The following GEMIN8 variants were observed in gnomAD, a reference collection of about 807,000 sequenced individuals.
GEMIN8 encodes the protein gem-associated protein 8.
For missense variants in GEMIN8, 185 were observed against 205.9 expected (o/e 0.90, Z 0.62); for synonymous variants, 80 against 78.5 (o/e 1.02, Z -0.10).
intron 4 of GEMIN8, among the ~76,000 whole-genome samples, chrX:14,016,029 C>CT (rs1255862058): frequency 1.8e-5 from 2 of 111,821 alleles, no homozygotes; most frequent in Non-Finnish European, 3.8e-5. Context: ...AAAAGTGCTG[C>CT]TGAAAAAAAT....
intron 2 of GEMIN8, among the ~76,000 whole-genome samples, chrX:14,024,480 C>T (rs1924565188): frequency 9.1e-6 from 1 of 109,686 alleles, no homozygotes; most frequent in South Asian, 3.9e-4. Context: ...GCCTGAGTGA[C>T]AGAGTGAGAC....
intron 4 of GEMIN8, among the ~76,000 whole-genome samples, chrX:14,010,848 C>T (rs1923485208): frequency 8.9e-6 from 1 of 112,028 alleles, no homozygotes; most frequent in African/African-American, 3.2e-5. Context: ...AAAATATTGG[C>T]CTAATATGCA....
chrX:13,996,092 T>C, the GEMIN8 span, among the ~76,000 whole-genome samples: 1 of 111,932 alleles, frequency 8.9e-6, no homozygotes, highest in Non-Finnish European at 1.9e-5. Context: ...ATGTCCATTA[T>C]ATAAAATGGG....
the GEMIN8 span, among the ~76,000 whole-genome samples, chrX:13,998,365 G>A: frequency 9.1e-6 from 1 of 110,013 alleles, no homozygotes; most frequent in Non-Finnish European, 1.9e-5. Flanking sequence ...CTGGCTCATG[G>A]GGGCAGTTTC....
At chrX:13,990,257 G>T in the GEMIN8 span, among the ~76,000 whole-genome samples, 2 of 112,553 alleles carry the variant, frequency 1.8e-5, no homozygotes, top group Admixed American at 1.9e-4. Context: ...GGAAGAGTAA[G>T]GGTGTGGGAA....
At chrX:13,993,700 C>G in the GEMIN8 span, among the ~76,000 whole-genome samples, 1 of 111,450 alleles carries the variant, frequency 9.0e-6, no homozygotes. Context: ...ACTAGGATTA[C>G]AGGTGTGAGC....
In GEMIN8 at chrX:14,007,417, A is replaced by C. The variant is rs1267568703; in HGVS notation, c.*1496T>G. Reference sequence around the variant, plus strand: ...TAAATGACCTGCTCCATCAGCTTTTAGATTTCATTTTCAGAAATGTATTCC... The same window carrying C: ...TAAATGACCTGCTCCATCAGCTTTTCGATTTCATTTTCAGAAATGTATTCC... On this transcript the variant is annotated 3_prime_UTR_variant, in exon 5 of 5. Coordinates refer to ENST00000680255, the MANE Select transcript of GEMIN8 (RefSeq NM_001042479.2). 1.8e-5 allele frequency among the ~76,000 whole-genome samples: 2 copies of C among 112,719 alleles called. No homozygotes were observed. The highest frequency in any genetic ancestry group is 6.4e-5 in the African/African-American group (2 of 31,059).
chrX:13,996,933 C>CTT, the GEMIN8 span, among the ~76,000 whole-genome samples: 2,324 of 66,763 alleles, frequency 0.035, 140 homozygotes, highest in African/African-American at 0.11. Context: ...TGTGGCTTGT[C>CTT]TTTTTTTTTT....
At chrX:13,989,030 T>C in the GEMIN8 span, among the ~76,000 whole-genome samples, 1 of 110,243 alleles carries the variant, frequency 9.1e-6, no homozygotes, top group African/African-American at 3.3e-5. Context: ...CAAATTGTTA[T>C]AGTTTGAGTA....
chrX:14,013,867 G>A, intron 4 of GEMIN8: 1 of 478,349 alleles, frequency 2.1e-6, no homozygotes. Context: ...GGGTTAATAT[G>A]CATATAGGTT....
At chrX:14,014,166 A>T in intron 4 of GEMIN8, 1 of 753,194 alleles carries the variant, frequency 1.3e-6, no homozygotes, top group Middle Eastern at 7.6e-4. Context: ...GTGGCAAAGA[A>T]TGTTTTTTCC....
At chrX:14,026,119 A>C in intron 2 of GEMIN8, 21 bp downstream of exon 2, 1 of 746,728 alleles carries the variant, frequency 1.3e-6, no homozygotes, top group Non-Finnish European at 1.6e-6. Flanking sequence ...ATGGTCTTTA[A>C]TTCGATCTTT....
intron 2 of GEMIN8, among the ~76,000 whole-genome samples, chrX:14,025,259 G>C (rs917470093): frequency 2.8e-5 from 3 of 108,535 alleles, no homozygotes; most frequent in Non-Finnish European, 5.7e-5. Flanking sequence ...TTTTTTTTCA[G>C]TAAAGGGCGA....
In GEMIN8 at chrX:14,011,516, C is replaced by CTTTTTTTTTTTTTTTTTT. The variant is rs575651297; in HGVS notation, c.473-2365_473-2348dup. Among the ~76,000 whole-genome samples, 19 of 60,380 alleles carry CTTTTTTTTTTTTTTTTTT rather than the reference C, an allele frequency of 3.1e-4. 1 individual carries two copies. Among genetic ancestry groups the CTTTTTTTTTTTTTTTTTT allele is most frequent in the African/African-American group, 1.1e-3 (16 of 14,415 alleles). 52.4% of individuals were successfully genotyped at this position (60,380 alleles called of 115,157 possible). A position where few individuals can be genotyped will look rare whatever the true frequency, so the allele number is the denominator to read the frequency against. On this transcript the variant is annotated intron_variant, in intron 4 of 4. Transcript: ENST00000680255. ...TACCCATTACCAATCCTATGGCTCT[C>CTTTTTTTTTTTTTTTTTT]TTTTTTTTTTTTTTTTTTTTTTTTT...
At chrX:14,016,323 T>C (rs1414071533) in intron 4 of GEMIN8, among the ~76,000 whole-genome samples, 1 of 112,153 alleles carries the variant, frequency 8.9e-6, no homozygotes, top group African/African-American at 3.2e-5. Context: ...ATTAGTAATA[T>C]TGAAGTGGGT....
chrX:14,022,011 G>GTATACACATGTATA (rs1443479562), intron 2 of GEMIN8, among the ~76,000 whole-genome samples: 1 of 95,651 alleles, frequency 1.0e-5, no homozygotes, highest in East Asian at 3.3e-4. Flanking sequence ...ATATATGTAT[G>GTATACACATGTATA]TATACACATG....
chrX:14,006,033 G>T (rs1163621191), downstream of GEMIN8, among the ~76,000 whole-genome samples: 1 of 100,796 alleles, frequency 9.9e-6, no homozygotes, highest in East Asian at 3.0e-4. Flanking sequence ...TGGCCAAAGA[G>T]CTAGGGACAC....
At chrX:13,996,625 T>C in the GEMIN8 span, among the ~76,000 whole-genome samples, 3 of 111,930 alleles carry the variant, frequency 2.7e-5, no homozygotes, top group East Asian at 2.8e-4. Flanking sequence ...CATAGTTACA[T>C]AGGAGCTTGG....
intron 2 of GEMIN8, among the ~76,000 whole-genome samples, chrX:14,025,443 GT>G (rs771892312): frequency 9.0e-6 from 1 of 111,112 alleles, no homozygotes; most frequent in East Asian, 2.8e-4. Context: ...GCCCACCCCT[GT>G]TTCATGTTAA....
Sources: allele counts gnomAD v4.1 joint callset (sites outside exome capture counted in the v4.1 genomes callset), GRCh38; gene constraint gnomAD v4.1.1; transcripts MANE v1.5; gene names NCBI Gene and HGNC (gene_info 2026-07-23, HGNC 2026-07-21).